Variants in BEND7 observed in about 807,000 individuals in gnomAD.
The protein encoded by BEND7 is BEN domain containing 7, also known as BEN domain-containing protein 7.
A neutral mutation model predicts 50.9 loss-of-function variants in BEND7; 28 were observed. That is an observed-to-expected ratio of 0.55 (90% CI 0.41 to 0.75). The LOEUF (loss-of-function observed/expected upper bound fraction) is 0.75. Among genes scored for constraint, BEND7 ranks in the 30% least tolerant of loss-of-function variants. The probability of loss-of-function intolerance (pLI) is 0.00; values close to 1 mark genes in which losing one functional copy is unlikely to be tolerated. For synonymous variants in BEND7, 170 were observed against 183.9 expected, an observed-to-expected ratio of 0.92 and a Z score of 0.61; for missense variants, 477 against 491.3, an observed-to-expected ratio of 0.97 and a Z score of 0.28.
chr10:13,477,571 G>A (rs2075546579), intron 6 of BEND7, among the ~76,000 whole-genome samples: 1 of 152,140 alleles, frequency 6.6e-6, no homozygotes, highest in South Asian at 2.1e-4. Flanking sequence ...TGTAACGTGT[G>A]GGTTAACCCA....
Position 13,508,235 on chromosome 10 carries a change from G to A in BEND7, c.146-8155C>T, listed in dbSNP as rs1210363524. On this transcript the variant is annotated intron_variant, in intron 2 of 8. Coordinates refer to ENST00000466271, the MANE Select transcript of BEND7 (RefSeq NM_001369863.1). Reference sequence around the variant, plus strand: ...CTGCAGGGACAACAGCCATGTTTATGAGGGACACACAAGACTGGGAGTCGA... The same window carrying A: ...CTGCAGGGACAACAGCCATGTTTATAAGGGACACACAAGACTGGGAGTCGA... Among the ~76,000 whole-genome samples the A allele has an allele frequency of 2.6e-5, 4 of 152,344 alleles. No individual in the cohort carries two copies. The East Asian group carries it at 7.7e-4, about 29-fold the overall frequency.
chr10:13,509,604 C>G (rs959361645), intron 2 of BEND7, among the ~76,000 whole-genome samples: 1 of 152,186 alleles, frequency 6.6e-6, no homozygotes, highest in Non-Finnish European at 1.5e-5. Flanking sequence ...AAAGAGATCA[C>G]TTTACCCTGG....
chr10:13,506,598 A>G (rs2077911220), intron 2 of BEND7, among the ~76,000 whole-genome samples: 1 of 152,232 alleles, frequency 6.6e-6, no homozygotes, highest in Non-Finnish European at 1.5e-5. Flanking sequence ...CTCTTTTCAT[A>G]TAAGGATAGT....
intron 2 of BEND7, chr10:13,511,351 A>C (rs1047461574): frequency 1.3e-5 from 2 of 152,214 alleles, no homozygotes; most frequent in African/African-American, 4.8e-5. Flanking sequence ...TGGCTTTATA[A>C]ATTGTTTAAA....
chr10:13,496,950 A>T, intron 3 of BEND7, 62 bp from the exon 4 acceptor site: 1 of 1,363,496 alleles, frequency 7.3e-7, no homozygotes, highest in Non-Finnish European at 9.7e-7. Flanking sequence ...AAAAAATCAT[A>T]AAGAGGTGGA....
At chr10:13,439,058 G>C (rs1312929647), downstream of BEND7, 4 of 1,020,410 alleles carry the variant, frequency 3.9e-6, no homozygotes, top group East Asian at 1.0e-4. Context: ...GGGAGAGAGG[G>C]CATCCTGAAC....
intron 6 of BEND7, among the ~76,000 whole-genome samples, chr10:13,472,499 A>G (rs1206232753): frequency 6.6e-6 from 1 of 151,026 alleles, no homozygotes; most frequent in Non-Finnish European, 1.5e-5. Flanking sequence ...CGGGGCTGAT[A>G]TCGTCATCAT....
chr10:13,499,063 C>T (rs2077247154), intron 3 of BEND7, among the ~76,000 whole-genome samples: 1 of 152,162 alleles, frequency 6.6e-6, no homozygotes, highest in Non-Finnish European at 1.5e-5. Context: ...TAGATCTGCA[C>T]ATCTCTACAG....
rs1353485664 is a variant in BEND7 at position 13,499,958 on chromosome 10, C to T, written c.268G>A (p.Asp90Asn). ...EGEKLKEEPQ[D>N]LDLVWPPRLN... ...CGTGGAGGCCAGACTAAATCCAGGT[C>T]CTGGGGCTCTTCTTTTAGTTTCTCT... is the stretch of plus-strand genomic sequence containing the variant. The change falls in exon 3 of 9, where the codon GAC becomes AAC. Residue 90 changes from aspartate (D) to asparagine (N), a missense_variant. By Grantham distance (23) the Asp-to-Asn change is conservative (BLOSUM62 1). This residue lies in a region of BEND7 where 396 missense variants were observed against 384.2 expected (regional missense o/e 1.03). Transcript: ENST00000466271. 1 of 1,614,214 alleles carries T rather than the reference C, an allele frequency of 6.2e-7. No individual in the cohort carries two copies.
Position 13,525,200 on chromosome 10 carries a change from G to A in BEND7, c.145+938C>T, listed in dbSNP as rs141489136. Among the ~76,000 whole-genome samples, 1,490 of 152,262 alleles carry A rather than the reference G, an allele frequency of 9.8e-3. 14 individuals are homozygous for A. Among genetic ancestry groups the A allele is most frequent in the African/African-American group, 0.032 (1,336 of 41,542 alleles). ...AAGATGGACAAGGTTGAGGCCCAAC[G>A]CCACCATCTACTCTCCACCCTGACC... is the stretch of plus-strand genomic sequence containing the variant. On this transcript the variant is annotated intron_variant, in intron 2 of 8. Transcript: ENST00000466271.
intron 6 of BEND7, among the ~76,000 whole-genome samples, chr10:13,467,993 C>CA (rs1180247281): frequency 6.6e-6 from 1 of 152,088 alleles, no homozygotes; most frequent in East Asian, 1.9e-4. Flanking sequence ...GTTGTGAAGA[C>CA]AAGACACCCT....
At chr10:13,474,180 G>A (rs187012946) in intron 6 of BEND7, among the ~76,000 whole-genome samples, 5 of 151,536 alleles carry the variant, frequency 3.3e-5, no homozygotes, top group African/African-American at 7.3e-5. Context: ...GTTAGATTTC[G>A]GGTCAATATC....
chr10:13,441,080 C>T, downstream of BEND7: 1 of 984,890 alleles, frequency 1.0e-6, no homozygotes. Flanking sequence ...GCAAGATCCG[C>T]ACGCACGTTC....
intron 8 of BEND7, 132 bp from the exon 9 acceptor site, chr10:13,441,882 G>A: frequency 4.6e-6 from 4 of 864,914 alleles, no homozygotes; most frequent in Non-Finnish European, 1.8e-6. Flanking sequence ...AGAAGAAAAA[G>A]AAGCCACACA....
chr10:13,487,487 A>T (rs904883328), intron 5 of BEND7, among the ~76,000 whole-genome samples: 1 of 151,348 alleles, frequency 6.6e-6, no homozygotes, highest in Non-Finnish European at 1.5e-5. Flanking sequence ...CCCAGGTTCA[A>T]GCGATTCTCC....
At position 13,496,865 on chromosome 10, in the gene BEND7, A is replaced by G; in HGVS notation, c.472T>C (p.Ser158Pro). The change falls in exon 4 of 9, where the codon TCA (serine) becomes CCA (proline). Residue 158 changes from serine to proline, a missense_variant. By Grantham distance (74) the Ser-to-Pro change is moderately conservative. This residue lies in a region of BEND7 where 396 missense variants were observed against 384.2 expected (regional missense o/e 1.03). Coordinates refer to ENST00000466271, the MANE Select transcript of BEND7 (RefSeq NM_001369863.1). ...SNGELPVVNS[S>P]AGSNCCTCNC... ...CAAGTACAGCAGTTTGATCCAGCTG[A>G]TGAATTCACCACTGGAAGTTCTCCT... 1 of 1,607,178 alleles carries G rather than the reference A, an allele frequency of 6.2e-7. No individual in the cohort carries two copies. The highest frequency in any genetic ancestry group is 8.5e-7 in the Non-Finnish European group (1 of 1,176,588).
chr10:13,439,833 C>G (rs1045680133), downstream of BEND7, among the ~76,000 whole-genome samples: 4 of 152,250 alleles, frequency 2.6e-5, no homozygotes, highest in Non-Finnish European at 2.9e-5. Context: ...CCTTCAGATG[C>G]TCCGCGGCTG....
chr10:13,459,239 A>G (rs979766180), intron 6 of BEND7, among the ~76,000 whole-genome samples: 1 of 152,168 alleles, frequency 6.6e-6, no homozygotes, highest in Non-Finnish European at 1.5e-5. Context: ...GGAACAGGGC[A>G]GGGGCTGGCA....
intron 2 of BEND7, among the ~76,000 whole-genome samples, chr10:13,519,400 C>T (rs1374066935): frequency 2.0e-5 from 3 of 151,806 alleles, no homozygotes; most frequent in Admixed American, 6.6e-5. Context: ...GGCGTGAACC[C>T]GGGAGGTGGA....
Sources: gnomAD v4.1 joint callset for allele counts (sites outside exome capture counted in the v4.1 genomes callset) on GRCh38, gnomAD v4.1.1 for gene constraint, gnomAD v4.1.1 regional missense constraint, MANE v1.5 for transcripts, NCBI Gene and HGNC (gene_info 2026-07-23, HGNC 2026-07-21) for gene names.